Variants in GNS observed in about 807,000 individuals in gnomAD.
The protein encoded by GNS is glucosamine (N-acetyl)-6-sulfatase.
GNS carries 40 observed loss-of-function variants against 69.7 expected under a neutral mutation model. That is an observed-to-expected ratio of 0.57 (90% confidence interval 0.45 to 0.75). The LOEUF (loss-of-function observed/expected upper bound fraction) is 0.75, where lower values mean the gene tolerates loss of function less well. Among genes scored for constraint, GNS ranks in the 30% least tolerant of loss-of-function variants. The pLI, the probability that GNS is intolerant of heterozygous loss-of-function variation, is 0.00. For synonymous variants in GNS, 243 were observed against 251.6 expected, an observed-to-expected ratio of 0.97 and a Z score of 0.32; for missense variants, 565 against 685.5, an observed-to-expected ratio of 0.82 and a Z score of 1.96.
At chr12:64,742,636 G>A (rs1023017158) in intron 6 of GNS, among the ~76,000 whole-genome samples, 3 of 152,218 alleles carry the variant, frequency 2.0e-5, no homozygotes, top group African/African-American at 7.2e-5. Context: ...CCAGGGAACT[G>A]TCTATACACC....
chr12:64,755,957 G>A (rs1470847652), intron 1 of GNS, among the ~76,000 whole-genome samples: 1 of 152,042 alleles, frequency 6.6e-6, no homozygotes, highest in African/African-American at 2.4e-5. Context: ...GTGAGCCACC[G>A]CGCCCGGCCA....
intron 13 of GNS, among the ~76,000 whole-genome samples, 170 bp from the exon 14 acceptor site, chr12:64,716,989 T>G (rs1420875070): frequency 6.6e-6 from 1 of 152,222 alleles, no homozygotes; most frequent in Non-Finnish European, 1.5e-5. Flanking sequence ...TCCGAACATT[T>G]CTATCACCAG....
intron 9 of GNS, among the ~76,000 whole-genome samples, chr12:64,733,531 A>G (rs1446464416): frequency 6.6e-6 from 1 of 152,198 alleles, no homozygotes; most frequent in East Asian, 1.9e-4. Flanking sequence ...AAAGCACCCC[A>G]AATCCATTTA....
At chr12:64,737,148 G>T in intron 8 of GNS, 41 bp from the exon 9 acceptor site, 1 of 1,014,964 alleles carries the variant, frequency 9.9e-7, no homozygotes, top group Non-Finnish European at 1.6e-6. Context: ...AGCCAAGACA[G>T]GAGCCTTGCT....
chr12:64,747,021 G>C (rs17100632), intron 3 of GNS, among the ~76,000 whole-genome samples: 10,503 of 152,122 alleles, frequency 0.069, 1,252 homozygotes, highest in African/African-American at 0.24. Context: ...AAACATTCTC[G>C]AACATACTAT....
chr12:64,733,369 G>A (rs1869466182), intron 9 of GNS, among the ~76,000 whole-genome samples: 1 of 148,406 alleles, frequency 6.7e-6, no homozygotes, highest in Non-Finnish European at 1.5e-5. Flanking sequence ...CATTGAACCT[G>A]CTTATTCTTG....
rs1016300697 is a variant in GNS, at chr12:64,740,483, C to G, written c.875+123G>C. On this transcript the variant is annotated intron_variant, in intron 7 of 13. Coordinates refer to ENST00000258145, the MANE Select transcript of GNS (RefSeq NM_002076.4). ...TCTGGTGCCCCATCGAAGCCTCTCT[C>G]CCACTGACTTGCTTCCCTCTGTTTT... 1.6e-5 allele frequency: 12 copies of G among 733,234 alleles called. No individual in the cohort carries two copies. The Admixed American group carries it at 2.3e-4, about 14-fold the overall frequency. 45.4% of individuals were successfully genotyped at this position (733,234 alleles called of 1,614,324 possible).
chr12:64,747,812 C>T lies in GNS; in HGVS notation c.359G>A (p.Ser120Asn), dbSNP rs1169948900. ...VNNTLEGNCS[S>N]KSWQKIQEPN... ...TTCTTGGATCTTCTGCCAGGACTTA[C>T]TACTGCAGTTCCCCTCCAGAGTGTT... The change falls in exon 3 of 14, where the codon AGT becomes AAT. Residue 120 changes from serine to asparagine, a missense_variant. By Grantham distance (46) the Ser-to-Asn change is conservative. Around this residue, in one of 2 missense-constraint regions of GNS, gnomAD observed 181 missense variants for 174.4 expected, o/e 1.04. Transcript: ENST00000258145. 1 of 1,607,230 alleles carries T rather than the reference C, an allele frequency of 6.2e-7. No individual in the cohort carries two copies. The highest frequency in any genetic ancestry group is 1.3e-5 in the African/African-American group (1 of 74,812).
rs553213587 is a variant in GNS, at chr12:64,756,858, T to G, written c.192+2227A>C. On this transcript the variant is annotated intron_variant, in intron 1 of 13. Transcript: ENST00000258145. ...ACCTCTCTCCAGTAGAAACACTTATTAAAAAAAAGAATCTGGGCCGAGACA... is the reference window on the plus strand; with the variant it reads ...ACCTCTCTCCAGTAGAAACACTTATGAAAAAAAAGAATCTGGGCCGAGACA... 184 of 643,932 alleles carry G rather than the reference T, an allele frequency of 2.9e-4. 1 individual carries two copies. The African/African-American group carries it at 3.3e-3, about 11-fold the overall frequency. The allele number at this position is 643,932 out of a possible 1,614,324, so 39.9% of individuals were successfully genotyped here.
intron 12 of GNS, among the ~76,000 whole-genome samples, chr12:64,720,435 C>T (rs1219648018): frequency 6.6e-6 from 1 of 152,228 alleles, no homozygotes; most frequent in African/African-American, 2.4e-5. Flanking sequence ...GGCCCCTGCA[C>T]ACCCTGTGCC....
intron 12 of GNS, 130 bp downstream of exon 12, chr12:64,721,460 AAAGTG>A: frequency 1.4e-6 from 1 of 698,954 alleles, no homozygotes; most frequent in Non-Finnish European, 2.6e-6. Flanking sequence ...AAGGAAACCT[AAAGTG>A]AAGCACAGAT....
In GNS at chr12:64,714,701, A is replaced by G. The variant is rs1219387179; in HGVS notation, c.*2040T>C. On this transcript the variant is annotated 3_prime_UTR_variant, in exon 14 of 14. Transcript: ENST00000258145. ...TGCTCAGGAACAAGCATAAAACTGA[A>G]TAATATGACATCACAGTCCAAGACC... is the stretch of plus-strand genomic sequence containing the variant. 6.6e-6 allele frequency: 1 copy of G among 152,194 alleles called. No homozygotes were observed. Among genetic ancestry groups the G allele is most frequent in the Non-Finnish European group, 1.5e-5 (1 of 68,034 alleles). The allele number at this position is 152,194 out of a possible 1,614,324, so 9.4% of individuals were successfully genotyped here. A position where few individuals can be genotyped will look rare whatever the true frequency, so the allele number is the denominator to read the frequency against.
At position 64,720,002 on chromosome 12, in the gene GNS, T is replaced by C. The variant is rs1489692016; in HGVS notation, c.1580+20A>G. Reference sequence around the variant, plus strand: ...ACTAGAAAAAACTTGGCCAAGTAAATGAAGAGAAAGGAAACTTACCCGGGG... The same window carrying C: ...ACTAGAAAAAACTTGGCCAAGTAAACGAAGAGAAAGGAAACTTACCCGGGG... On this transcript the variant is annotated intron_variant, in intron 13 of 13. Transcript: ENST00000258145. 1 of 1,599,318 alleles carries C rather than the reference T, an allele frequency of 6.3e-7. No homozygotes were observed. The highest frequency in any genetic ancestry group is 1.1e-5 in the South Asian group (1 of 90,820).
intron 7 of GNS, among the ~76,000 whole-genome samples, chr12:64,740,089 G>A (rs12302179): frequency 0.042 from 6,431 of 152,294 alleles, 437 homozygotes; most frequent in African/African-American, 0.14. Context: ...GTGACAGAAT[G>A]TATGACCTGC....
rs187312042 is a variant in GNS at position 64,720,046 on chromosome 12, C to T, written c.1556G>A (p.Arg519His). Residue 519 changes from arginine to histidine, a missense_variant, in exon 13 of 14, where the codon CGC (arginine) becomes CAC (histidine). Coordinates refer to ENST00000258145, the MANE Select transcript of GNS (RefSeq NM_002076.4). ...CCCGGGGTCAAAAACCCCTGGAGTG[C>T]GACAGGTTGGCCCAGAACAGGACTG... Reference protein sequence around the residue: ...MLQSCSGPTCRTPGVFDPGYR... With the variant: ...MLQSCSGPTCHTPGVFDPGYR... The T allele has an allele frequency of 9.1e-5, 146 of 1,613,164 alleles. No individual in the cohort carries two copies. Among genetic ancestry groups the T allele is most frequent in the Non-Finnish European group, 1.2e-4 (137 of 1,179,188 alleles).
At chr12:64,722,968 T>G in intron 11 of GNS, 38 bp downstream of exon 11, 3 of 1,205,052 alleles carry the variant, frequency 2.5e-6, no homozygotes, top group Non-Finnish European at 3.7e-6. Flanking sequence ...ATGTTGTCAG[T>G]GAGAAAGCTG....
chr12:64,752,399 A>C (rs905015089), intron 2 of GNS, among the ~76,000 whole-genome samples: 5 of 152,232 alleles, frequency 3.3e-5, no homozygotes, highest in Admixed American at 3.3e-4. Flanking sequence ...TTACCAAGGA[A>C]AAGTTTACAC....
chr12:64,738,130 C>T (rs979752823), intron 8 of GNS, among the ~76,000 whole-genome samples: 9 of 152,098 alleles, frequency 5.9e-5, no homozygotes, highest in African/African-American at 2.2e-4. Context: ...CTGCCTCAGC[C>T]TCCCGAGTAG....
Position 64,759,122 on chromosome 12 carries a change from AGCAGCACCACGTTGG to A in GNS, c.140_154del (p.Pro47_Leu51del). ...CACTTCGTCCTGGTCGTCCGTGAGG[AGCAGCACCACGTTGG>A]GCCTCCGGGTTCCCGCAGCCACCCC... On this transcript the variant is annotated inframe_deletion, in exon 1 of 14. Coordinates refer to ENST00000258145, the MANE Select transcript of GNS (RefSeq NM_002076.4). 1 of 1,563,836 alleles carries A rather than the reference AGCAGCACCACGTTGG, an allele frequency of 6.4e-7. No individual in the cohort carries two copies. Among genetic ancestry groups the A allele is most frequent in the South Asian group, 1.2e-5 (1 of 85,118 alleles).
Sources: gnomAD v4.1 joint callset for allele counts (sites outside exome capture counted in the v4.1 genomes callset) on GRCh38, gnomAD v4.1.1 for gene constraint, gnomAD v4.1.1 regional missense constraint, MANE v1.5 for transcripts, NCBI Gene and HGNC (gene_info 2026-07-23, HGNC 2026-07-21) for gene names.